Variants in SERPINB7 observed in about 807,000 individuals in gnomAD.
SERPINB7 encodes serpin B7.
Under a neutral mutation model 37.4 loss-of-function variants are expected in SERPINB7, and 31 were observed. The ratio of observed to expected loss-of-function variants is 0.83; its 90% CI spans 0.62 to 1.12. SERPINB7 has a LOEUF of 1.12. Ranked by LOEUF, SERPINB7 falls within the 50% of genes most tolerant of loss-of-function variation. The pLI is 0.00. For missense variants in SERPINB7, 521 were observed against 455.3 expected (o/e 1.14, Z -1.31); for synonymous variants, 163 against 166.1 (o/e 0.98, Z 0.14).
Position 63,793,188 on chromosome 18 carries a change from G to GT in SERPINB7, c.253dup (p.Ser85PhefsTer2), listed in dbSNP as rs1434994276. ...AGGGCTCCAGTCTCAACTGAAAAGA[G>GT]TTTTTTCTGATATAAATGCATCCCA... On this transcript the variant is annotated frameshift_variant, in exon 4 of 8. Transcript: ENST00000398019. LOFTEE classifies it high-confidence loss of function. 9 of 1,592,776 alleles carry GT rather than the reference G, an allele frequency of 5.7e-6. No individual in the cohort carries two copies. Among genetic ancestry groups the GT allele is most frequent in the Non-Finnish European group, 7.7e-6 (9 of 1,168,612 alleles).
Position 63,783,209 on chromosome 18 carries a change from AGAGAGAGAGAG to A in SERPINB7, c.168+670_168+680del, listed in dbSNP as rs1568207609. 1.6e-4 allele frequency among the ~76,000 whole-genome samples: 12 copies of A among 76,528 alleles called. No homozygotes were observed. In the East Asian group the frequency reaches 1.8e-3, roughly 12 times the overall value. The allele number at this position is 76,528 out of a possible 152,430, so 50.2% of individuals were successfully genotyped here. On this transcript the variant is annotated intron_variant, in intron 2 of 7. Coordinates refer to ENST00000398019, the MANE Select transcript of SERPINB7 (RefSeq NM_003784.4). ...GAAAGAGAGAGAGAGAGAGAGAGAGAGAGAGAGAGAGAGAGAGAGAGAGAGAAAGAAAGAAA... is the reference window on the plus strand; with the variant it reads ...GAAAGAGAGAGAGAGAGAGAGAGAGAAGAGAGAGAGAGAGAAAGAAAGAAA...
intron 2 of SERPINB7, among the ~76,000 whole-genome samples, chr18:63,789,367 C>T (rs555589111): frequency 3.4e-4 from 52 of 152,312 alleles, no homozygotes; most frequent in Non-Finnish European, 6.2e-4. Context: ...GAGAGACAAA[C>T]TTCATCTATT....
chr18:63,800,781 C>T (rs1234951334), intron 6 of SERPINB7, 85 bp from the exon 7 acceptor site: 2 of 1,465,900 alleles, frequency 1.4e-6, no homozygotes, highest in Non-Finnish European at 1.8e-6. Context: ...AATTTATTGA[C>T]CAAGTACAAT....
chr18:63,797,519 GTTAT>G (rs2049501063), intron 5 of SERPINB7, among the ~76,000 whole-genome samples: 1 of 151,878 alleles, frequency 6.6e-6, no homozygotes, highest in East Asian at 1.9e-4. Flanking sequence ...ATTTAGACTA[GTTAT>G]TTATTTCTCT....
chr18:63,760,655 G>T (rs888797593), intron 1 of SERPINB7, among the ~76,000 whole-genome samples: 1 of 152,196 alleles, frequency 6.6e-6, no homozygotes. Context: ...CTCGTATTGT[G>T]TGCAGCCTAG....
chr18:63,758,619 A>G (rs2049135034), intron 1 of SERPINB7, among the ~76,000 whole-genome samples: 1 of 152,186 alleles, frequency 6.6e-6, no homozygotes, highest in Non-Finnish European at 1.5e-5. Flanking sequence ...TTTTATAATA[A>G]GAAAAGAATT....
chr18:63,768,302 T>G lies in SERPINB7; in HGVS notation c.-18-14053T>G, dbSNP rs2049191857. Among the ~76,000 whole-genome samples the G allele has an allele frequency of 1.3e-5, 2 of 152,100 alleles. 1 individual carries two copies. The highest frequency in any genetic ancestry group is 4.1e-4 in the South Asian group (2 of 4,830). ...TTCTGTAGATCATTCTACCCTTTTTTTCTTGCTTATCTATAACCTTCTGCT... is the reference window on the plus strand; with the variant it reads ...TTCTGTAGATCATTCTACCCTTTTTGTCTTGCTTATCTATAACCTTCTGCT... On this transcript the variant is annotated intron_variant, in intron 1 of 7. Coordinates refer to the SERPINB7 transcript ENST00000336429.
At chr18:63,801,370 C>A (rs918237183) in intron 7 of SERPINB7, among the ~76,000 whole-genome samples, 2 of 152,080 alleles carry the variant, frequency 1.3e-5, no homozygotes, top group Non-Finnish European at 2.9e-5. Flanking sequence ...CATCTTTAGG[C>A]AGGTATGATA....
chr18:63,804,519 A>C lies in SERPINB7; in HGVS notation c.1027A>C (p.Asn343His). ...CGAGGCTACTGCTGCCACAGGAAGT[A>C]ATATTGTAGAAAAGCAACTCCCTCA... is the stretch of plus-strand genomic sequence containing the variant. ...GTEATAATGS[N>H]IVEKQLPQST... The change falls in exon 8 of 8, where the codon AAT (asparagine) becomes CAT (histidine). Residue 343 changes from asparagine to histidine, a missense_variant. Physicochemically the swap from Asn to His is moderately conservative, Grantham distance 68. Coordinates refer to ENST00000398019, the MANE Select transcript of SERPINB7 (RefSeq NM_003784.4). 6.2e-7 allele frequency: 1 copy of C among 1,613,834 alleles called. No homozygotes were observed. The highest frequency in any genetic ancestry group is 8.5e-7 in the Non-Finnish European group (1 of 1,179,886).
intron 4 of SERPINB7, among the ~76,000 whole-genome samples, chr18:63,794,361 A>G (rs1280617730): frequency 6.6e-6 from 1 of 151,700 alleles, no homozygotes; most frequent in Non-Finnish European, 1.5e-5. Flanking sequence ...GCATGTATCA[A>G]TCTCTTGCAT....
chr18:63,795,200 A>G (rs1342289930), intron 4 of SERPINB7, among the ~76,000 whole-genome samples: 1 of 152,208 alleles, frequency 6.6e-6, no homozygotes, highest in African/African-American at 2.4e-5. Flanking sequence ...GACAATCTCA[A>G]AGGTAAAAAG....
intron 1 of SERPINB7, among the ~76,000 whole-genome samples, chr18:63,778,412 A>G (rs1405055812): frequency 4.6e-5 from 7 of 152,150 alleles, no homozygotes; most frequent in Admixed American, 4.6e-4. Context: ...TTTCTTTCCT[A>G]TATGTATATC....
intron 1 of SERPINB7, among the ~76,000 whole-genome samples, chr18:63,757,924 G>T (rs779711054): frequency 2.6e-5 from 4 of 152,160 alleles, no homozygotes; most frequent in Non-Finnish European, 5.9e-5. Context: ...TCCCTAATCT[G>T]CTCCCTCAAG....
chr18:63,763,785 A>G (rs2049166568), intron 1 of SERPINB7, among the ~76,000 whole-genome samples: 1 of 152,184 alleles, frequency 6.6e-6, no homozygotes, highest in African/African-American at 2.4e-5. Flanking sequence ...TATTGTAGCT[A>G]CTTTTCTTTA....
At chr18:63,764,593 G>C (rs551199145) in intron 1 of SERPINB7, among the ~76,000 whole-genome samples, 1 of 152,110 alleles carries the variant, frequency 6.6e-6, no homozygotes, top group South Asian at 2.1e-4. Flanking sequence ...TCTCCAGTCA[G>C]GTATTTCTCT....
At chr18:63,774,776 A>G (rs2049232957), upstream of SERPINB7, among the ~76,000 whole-genome samples, 1 of 152,132 alleles carries the variant, frequency 6.6e-6, no homozygotes, top group Admixed American at 6.6e-5. Flanking sequence ...TGCTCAGTTC[A>G]GGTAAGCATT....
chr18:63,778,593 A>C (rs1489011820), intron 1 of SERPINB7, among the ~76,000 whole-genome samples: 1 of 152,170 alleles, frequency 6.6e-6, no homozygotes, highest in Non-Finnish European at 1.5e-5. Context: ...AAATAGTATC[A>C]TAACTTTATG....
At chr18:63,781,765 T>C (rs1168664414) in intron 1 of SERPINB7, among the ~76,000 whole-genome samples, 1 of 152,156 alleles carries the variant, frequency 6.6e-6, no homozygotes, top group East Asian at 1.9e-4. Context: ...ATAATCACAC[T>C]TTGCATTCCA....
intron 2 of SERPINB7, among the ~76,000 whole-genome samples, chr18:63,783,208 G>GAA (rs2049322756): frequency 6.8e-5 from 6 of 88,260 alleles, no homozygotes; most frequent in East Asian, 3.1e-4. Context: ...GAGAGAGAGA[G>GAA]AGAGAGAGAG....
Sources: gnomAD v4.1 joint callset for allele counts (sites outside exome capture counted in the v4.1 genomes callset) on GRCh38, gnomAD v4.1.1 for gene constraint, MANE v1.5 for transcripts, NCBI Gene and HGNC (gene_info 2026-07-23, HGNC 2026-07-21) for gene names.